Variants in ATP2B2 observed in about 807,000 individuals in gnomAD.
The protein encoded by ATP2B2 is plasma membrane calcium-transporting ATPase 2.
In ATP2B2, 15 loss-of-function variants were observed where a neutral mutation model predicts 120.0. The ratio of observed to expected loss-of-function variants is 0.12; its 90% CI spans 0.08 to 0.19. The LOEUF is 0.19. ATP2B2 is among the 10% of genes least tolerant of loss of function. ATP2B2 has a pLI of 1.00. For synonymous variants in ATP2B2, 694 were observed against 700.3 expected (o/e 0.99, Z 0.14); for missense variants, 1,045 against 1,719.8 (o/e 0.61, Z 6.94).
At chr3:10,407,091 G>A (rs2062439198) in intron 3 of ATP2B2, among the ~76,000 whole-genome samples, 1 of 152,148 alleles carries the variant, frequency 6.6e-6, no homozygotes, top group Non-Finnish European at 1.5e-5. Context: ...CCCAGTGCGG[G>A]AAGCCTGAGG....
intron 2 of ATP2B2, among the ~76,000 whole-genome samples, chr3:10,587,824 CCAGAGAT>C (rs2068549870): frequency 6.6e-6 from 1 of 152,064 alleles, no homozygotes; most frequent in Non-Finnish European, 1.5e-5. Flanking sequence ...TGGCAAATAG[CCAGAGAT>C]CAATAATATT....
chr3:10,424,727 C>T (rs2063093759), intron 2 of ATP2B2, among the ~76,000 whole-genome samples: 1 of 152,088 alleles, frequency 6.6e-6, no homozygotes. Flanking sequence ...AAATGAGATC[C>T]ATTTATATGT....
rs2064245381 is a variant in ATP2B2 at position 10,456,026 on chromosome 3, T to A, written c.-319-6164A>T. Among the ~76,000 whole-genome samples, 4 of 152,322 alleles carry A rather than the reference T, an allele frequency of 2.6e-5. No homozygotes were observed. In the South Asian group the frequency reaches 8.3e-4, roughly 32 times the overall value. On this transcript the variant is annotated intron_variant, in intron 1 of 22. Transcript: ENST00000360273. ...CTCTGTATTGTTACATTTCAATGAC[T>A]CAAGAATAGGTTAGGGGTGCCTTAA... is the stretch of plus-strand genomic sequence containing the variant.
chr3:10,331,174 T>C (rs1178685719), intron 22 of ATP2B2, among the ~76,000 whole-genome samples: 1 of 152,232 alleles, frequency 6.6e-6, no homozygotes, highest in East Asian at 1.9e-4. Context: ...TGCTCCATCA[T>C]GGCCACTGTG....
chr3:10,352,261 T>C lies in ATP2B2; in HGVS notation c.2137-1684A>G, dbSNP rs368055425. Reference sequence around the variant, plus strand: ...GCCATGGGGAGGGCACTACCCTCCCTGTGTACCCTGTGCAGAGGGCACTGC... The same window carrying C: ...GCCATGGGGAGGGCACTACCCTCCCCGTGTACCCTGTGCAGAGGGCACTGC... On this transcript the variant is annotated intron_variant, in intron 14 of 22. Transcript: ENST00000360273. 3.1e-4 allele frequency among the ~76,000 whole-genome samples: 47 copies of C among 152,338 alleles called. 1 individual carries two copies. In the South Asian group the frequency reaches 7.0e-3, roughly 23 times the overall value.
intron 5 of ATP2B2, among the ~76,000 whole-genome samples, chr3:10,398,323 G>A (rs1299293859): frequency 6.6e-6 from 1 of 152,214 alleles, no homozygotes; most frequent in Admixed American, 6.5e-5. Flanking sequence ...CTTGGCTGAT[G>A]TCTCCTGACA....
chr3:10,640,378 C>A (rs2125650502), intron 1 of ATP2B2, among the ~76,000 whole-genome samples: 1 of 152,300 alleles, frequency 6.6e-6, no homozygotes. Context: ...AAATCGGCCT[C>A]TTCCTTCTCT....
rs149687696 is a variant in ATP2B2 at position 10,343,921 on chromosome 3, C to T, written c.2704-956G>A. 1.3e-5 allele frequency among the ~76,000 whole-genome samples: 2 copies of T among 152,186 alleles called. No homozygotes were observed. Among genetic ancestry groups the T allele is most frequent in the East Asian group, 1.9e-4 (1 of 5,180 alleles). ...TACATCCGTCTAGTGGCCTGTGGAA[C>T]ACCTCCTCCAGGAAGCCCCCAGACC... On this transcript the variant is annotated intron_variant, in intron 18 of 22. Coordinates refer to ENST00000360273, the MANE Select transcript of ATP2B2 (RefSeq NM_001001331.4). The surrounding 1 kb of genome is among the most constrained non-coding windows in gnomAD (Gnocchi z 4.2).
intron 2 of ATP2B2, among the ~76,000 whole-genome samples, chr3:10,580,492 T>A (rs1443090115): frequency 6.6e-6 from 1 of 152,096 alleles, no homozygotes; most frequent in Non-Finnish European, 1.5e-5. Context: ...GCGTGTAAGG[T>A]CAGCTTGGCC....
chr3:10,546,299 G>A (rs181208439), intron 2 of ATP2B2, among the ~76,000 whole-genome samples: 1 of 152,202 alleles, frequency 6.6e-6, no homozygotes, highest in East Asian at 1.9e-4. Flanking sequence ...GAGGTAGCAC[G>A]CTGAGAACCC....
intron 8 of ATP2B2, 68 bp downstream of exon 8, chr3:10,385,200 C>A (rs1056842617): frequency 6.6e-7 from 1 of 1,509,584 alleles, no homozygotes; most frequent in Non-Finnish European, 9.2e-7. Context: ...GAAAGAAAGC[C>A]CAAAGTTGGG....
At position 10,434,477 on chromosome 3, in the gene ATP2B2, C is replaced by T. The variant is rs143150619; in HGVS notation, c.199+14868G>A. Among the ~76,000 whole-genome samples, 279 of 152,348 alleles carry T rather than the reference C, an allele frequency of 1.8e-3. 1 individual carries two copies. Among genetic ancestry groups the T allele is most frequent in the Non-Finnish European group, 3.0e-3 (201 of 68,024 alleles). On this transcript the variant is annotated intron_variant, in intron 2 of 22. Transcript: ENST00000360273. ...ACAACCTGACTTGTATTTAAGTTTA[C>T]TCTGGCCATAAATGGGAGAGGAAGA... is the stretch of plus-strand genomic sequence containing the variant.
chr3:10,493,090 T>C (rs1288469243), intron 1 of ATP2B2, among the ~76,000 whole-genome samples: 2 of 152,176 alleles, frequency 1.3e-5, no homozygotes, highest in Non-Finnish European at 2.9e-5. Context: ...CCTAGGCCCT[T>C]GAATACAGAA....
intron 1 of ATP2B2, among the ~76,000 whole-genome samples, chr3:10,461,053 C>T (rs759002941): frequency 7.9e-5 from 12 of 152,092 alleles, no homozygotes; most frequent in Non-Finnish European, 1.3e-4. Flanking sequence ...TCCAAGAATG[C>T]GGATGCTAGG....
rs1379375813 is a variant in ATP2B2, at chr3:10,329,908, G to A, written c.3421-783C>T. Among the ~76,000 whole-genome samples, 29 of 152,342 alleles carry A rather than the reference G, an allele frequency of 1.9e-4. No individual in the cohort carries two copies. The highest frequency in any genetic ancestry group is 1.6e-3 in the Admixed American group (25 of 15,310). ...AGCCTGGACAATGTGAACGGAGGTC[G>A]TTTGTACCCAGCGTTTCTTTCCTTC... On this transcript the variant is annotated intron_variant, in intron 22 of 22. Transcript: ENST00000360273. This position sits in a 1 kb window ranked among gnomAD's most constrained non-coding sequence, Gnocchi z 5.9.
At position 10,327,099 on chromosome 3, in the gene ATP2B2, T is replaced by C. The variant is rs368673507; in HGVS notation, c.*1715A>G. Reference sequence around the variant, plus strand: ...ATGCTGAAAAGTCTCAAAGCAAACTTTGTATTAAATACAAAAGTTCTTTTA... The same window carrying C: ...ATGCTGAAAAGTCTCAAAGCAAACTCTGTATTAAATACAAAAGTTCTTTTA... On this transcript the variant is annotated 3_prime_UTR_variant, in exon 23 of 23. Transcript: ENST00000360273. 3.0e-5 allele frequency: 11 copies of C among 367,384 alleles called. No homozygotes were observed. In the South Asian group the frequency reaches 1.2e-3, roughly 40 times the overall value. The allele number at this position is 367,384 out of a possible 1,614,324, so 22.8% of individuals were successfully genotyped here. A position where few individuals can be genotyped will look rare whatever the true frequency, so the allele number is the denominator to read the frequency against.
intron 1 of ATP2B2, among the ~76,000 whole-genome samples, chr3:10,461,429 C>T (rs1056094233): frequency 1.1e-4 from 17 of 152,174 alleles, no homozygotes; most frequent in African/African-American, 3.9e-4. Context: ...GCTGAGAGCA[C>T]GTGGGGATAA....
At chr3:10,641,619 G>T (rs1001384981) in intron 1 of ATP2B2, among the ~76,000 whole-genome samples, 2 of 152,186 alleles carry the variant, frequency 1.3e-5, no homozygotes, top group Non-Finnish European at 2.9e-5. Flanking sequence ...GGCAATGTCT[G>T]GTCTAGAACA....
At chr3:10,419,669 T>C (rs1244225528) in intron 2 of ATP2B2, among the ~76,000 whole-genome samples, 2 of 152,184 alleles carry the variant, frequency 1.3e-5, no homozygotes, top group Non-Finnish European at 2.9e-5. Context: ...CAGTGCTTTG[T>C]AGATGGTAAA....
Sources: allele counts gnomAD v4.1 joint callset (sites outside exome capture counted in the v4.1 genomes callset), GRCh38; gene constraint gnomAD v4.1.1; non-coding constraint Gnocchi (gnomAD v3.1); transcripts MANE v1.5; gene names NCBI Gene and HGNC (gene_info 2026-07-23, HGNC 2026-07-21).